Variants in NUMB observed in about 807,000 individuals in gnomAD.
The protein encoded by NUMB is protein numb homolog.
Under a neutral mutation model 59.7 loss-of-function variants are expected in NUMB, and 29 were observed. The ratio of observed to expected loss-of-function variants is 0.49; its 90% CI spans 0.36 to 0.66. The LOEUF (loss-of-function observed/expected upper bound fraction) is 0.66. NUMB is among the 30% of genes least tolerant of loss of function. NUMB has a pLI of 0.00. For synonymous variants in NUMB, 288 were observed against 288.2 expected, an observed-to-expected ratio of 1.00 and a Z score of 0.01; for missense variants, 723 against 822.0, an observed-to-expected ratio of 0.88 and a Z score of 1.47.
At chr14:73,318,400 T>C (rs987717709) in intron 5 of NUMB, among the ~76,000 whole-genome samples, 18 of 152,172 alleles carry the variant, frequency 1.2e-4, no homozygotes, top group African/African-American at 4.3e-4. Context: ...AACAAGAACA[T>C]ATATTAAAAC....
At chr14:73,408,258 A>G (rs1324263053) in intron 2 of NUMB, among the ~76,000 whole-genome samples, 1 of 151,818 alleles carries the variant, frequency 6.6e-6, no homozygotes, top group African/African-American at 2.4e-5. Context: ...AAACGTTAAG[A>G]TATTTACCAG....
At chr14:73,309,620 C>T (rs1463614844) in intron 6 of NUMB, among the ~76,000 whole-genome samples, 2 of 151,548 alleles carry the variant, frequency 1.3e-5, no homozygotes, top group Non-Finnish European at 2.9e-5. Flanking sequence ...GGGTTTAAAA[C>T]CTAGATGACA....
intron 2 of NUMB, among the ~76,000 whole-genome samples, chr14:73,370,614 C>A (rs1046721715): frequency 2.0e-5 from 3 of 152,056 alleles, no homozygotes; most frequent in African/African-American, 7.2e-5. Context: ...ATTGCTTGAA[C>A]CCAGGAGGCG....
At chr14:73,318,414 T>C (rs1231147029) in intron 5 of NUMB, among the ~76,000 whole-genome samples, 1 of 152,172 alleles carries the variant, frequency 6.6e-6, no homozygotes, top group Non-Finnish European at 1.5e-5. Flanking sequence ...TTAAAACAAA[T>C]ATATCAAATA....
At chr14:73,396,511 C>A (rs1392419254) in intron 2 of NUMB, among the ~76,000 whole-genome samples, 2 of 131,698 alleles carry the variant, frequency 1.5e-5, no homozygotes, top group African/African-American at 6.3e-5. Context: ...CAAGGCCTGG[C>A]TAGTTTTTTT....
intron 1 of NUMB, among the ~76,000 whole-genome samples, chr14:73,414,378 T>C (rs1484986770): frequency 6.6e-6 from 1 of 152,188 alleles, no homozygotes. Flanking sequence ...CATGGCCATC[T>C]ACTTTCAGAT....
At chr14:73,325,285 T>C (rs771965253) in intron 4 of NUMB, among the ~76,000 whole-genome samples, 3 of 152,048 alleles carry the variant, frequency 2.0e-5, no homozygotes, top group Admixed American at 6.6e-5. Flanking sequence ...CTGGACAACA[T>C]AGTGAGACCC....
Position 73,287,136 on chromosome 14 carries a change from A to G in NUMB, c.629T>C (p.Met210Thr). The G allele has an allele frequency of 6.2e-7, 1 of 1,614,012 alleles. No individual in the cohort carries two copies. Among genetic ancestry groups the G allele is most frequent in the African/African-American group, 1.3e-5 (1 of 75,008 alleles). ...ATEQAEREEI[M>T]KQMQDAKKAE... Reference sequence around the variant, plus strand: ...TTTCTTGGCATCTTGCATTTGTTTCATGATCTCCTCTCTTTCTGCTTGTTC... The same window carrying G: ...TTTCTTGGCATCTTGCATTTGTTTCGTGATCTCCTCTCTTTCTGCTTGTTC... The change falls in exon 9 of 13, where the codon ATG becomes ACG. Residue 210 changes from methionine to threonine, a missense_variant. By Grantham distance (81) the Met-to-Thr change is moderately conservative. Coordinates refer to ENST00000555238, the MANE Select transcript of NUMB (RefSeq NM_001005743.2).
Position 73,284,307 on chromosome 14 carries a change from A to AGAGGAT in NUMB, c.717_722dup (p.Ser240_Ser241dup). The AGAGGAT allele has an allele frequency of 6.2e-7, 1 of 1,614,160 alleles. No individual in the cohort carries two copies. ...TGGCATCAGAAGTAGGAGAGGTGGG[A>AGAGGAT]GAGGATGGGGATGGGGCAGTGTTGC... On this transcript the variant is annotated inframe_insertion, in exon 10 of 13. Transcript: ENST00000555238.
intron 10 of NUMB, 74 bp downstream of exon 10, chr14:73,284,007 T>C (rs935458523): frequency 2.2e-6 from 3 of 1,336,462 alleles, no homozygotes; most frequent in Non-Finnish European, 3.2e-6. Context: ...TTAATGGGAT[T>C]AGTGTCTTCA....
At chr14:73,445,604 C>G (rs538935413) in intron 1 of NUMB, among the ~76,000 whole-genome samples, 2 of 152,042 alleles carry the variant, frequency 1.3e-5, no homozygotes, top group Non-Finnish European at 2.9e-5. Flanking sequence ...CCACCTGCTT[C>G]GGTAAAAATG....
At chr14:73,348,435 T>A (rs1189284515) in intron 4 of NUMB, among the ~76,000 whole-genome samples, 1 of 152,208 alleles carries the variant, frequency 6.6e-6, no homozygotes, top group African/African-American at 2.4e-5. Context: ...CCAATACTGG[T>A]CGGTGGCCTT....
At position 73,284,170 on chromosome 14, in the gene NUMB, A is replaced by G; in HGVS notation, c.860T>C (p.Met287Thr). The change falls in exon 10 of 13, where the codon ATG (methionine) becomes ACG (threonine). Residue 287 changes from methionine (M) to threonine (T), a missense_variant. By Grantham distance (81) the Met-to-Thr change is moderately conservative (BLOSUM62 -1). Transcript: ENST00000555238. ...FRGFPALSQKMSPFKRQLSLR... is the reference protein window; with the variant it reads ...FRGFPALSQKTSPFKRQLSLR... ...GGATAGTTGGCGTTTAAAGGGTGAC[A>G]TCTTCTGGCTAAGAGCAGGAAAACC... 1 of 1,614,220 alleles carries G rather than the reference A, an allele frequency of 6.2e-7. No individual in the cohort carries two copies. Among genetic ancestry groups the G allele is most frequent in the Non-Finnish European group, 8.5e-7 (1 of 1,180,050 alleles).
chr14:73,330,961 G>T (rs12435797), intron 4 of NUMB, among the ~76,000 whole-genome samples: 46,756 of 152,002 alleles, frequency 0.31, 8,264 homozygotes, highest in East Asian at 0.7. Context: ...TACAACTCTC[G>T]GAGGCTGAAG....
rs138487438 is a variant in NUMB, at chr14:73,388,556, G to C, written c.-101+21381C>G. On this transcript the variant is annotated intron_variant, in intron 2 of 12. Transcript: ENST00000555238. ...TGGCTGATCTAATTTAAAAATCAAC[G>C]TTGTTTCTTTATTGTGGATCTGATA... Among the ~76,000 whole-genome samples, 370 of 151,376 alleles carry C rather than the reference G, an allele frequency of 2.4e-3. 3 individuals are homozygous for C. The highest frequency in any genetic ancestry group is 8.5e-3 in the African/African-American group (351 of 41,238).
intron 4 of NUMB, among the ~76,000 whole-genome samples, chr14:73,327,268 A>AT (rs1891711915): frequency 1.3e-5 from 2 of 151,712 alleles, no homozygotes; most frequent in Admixed American, 1.3e-4. Context: ...AATTATTATT[A>AT]TTTTTTTGAG....
intron 4 of NUMB, among the ~76,000 whole-genome samples, chr14:73,334,302 T>C (rs953311920): frequency 1.6e-4 from 24 of 152,334 alleles, no homozygotes; most frequent in African/African-American, 5.5e-4. Context: ...TACTTTTTCA[T>C]GTATATTCAT....
Position 73,414,351 on chromosome 14 carries a change from A to T in NUMB, c.-232-4283T>A, listed in dbSNP as rs959663713. Among the ~76,000 whole-genome samples the T allele has an allele frequency of 2.0e-5, 3 of 152,184 alleles. No individual in the cohort carries two copies. The South Asian group carries it at 6.2e-4, about 31-fold the overall frequency. The stretch of plus-strand genomic sequence containing the variant: ...TTAAAGGAAAAACTAGTTAAAAAGC[A>T]AGAGAAACTCATTTTGCATGGCCAT... On this transcript the variant is annotated intron_variant, in intron 1 of 12. Coordinates refer to ENST00000555238, the MANE Select transcript of NUMB (RefSeq NM_001005743.2).
Position 73,277,105 on chromosome 14 carries a change from G to C in NUMB, c.1429C>G (p.Gln477Glu). The change falls in exon 13 of 13, where the codon CAG becomes GAG. Residue 477 changes from glutamine to glutamate, a missense_variant. By Grantham distance (29) the Gln-to-Glu change is conservative (BLOSUM62 2). Transcript: ENST00000555238. Reference protein sequence around the residue: ...LQPPPPTAISQPASPFQGNAF... With the variant: ...LQPPPPTAISEPASPFQGNAF... Reference sequence around the variant, plus strand: ...TTCCCTTGGAAAGGTGATGCTGGCTGGGAGATGGCAGTGGGTGGAGGAGGC... The same window carrying C: ...TTCCCTTGGAAAGGTGATGCTGGCTCGGAGATGGCAGTGGGTGGAGGAGGC... 1 of 1,614,122 alleles carries C rather than the reference G, an allele frequency of 6.2e-7. No individual in the cohort carries two copies. The highest frequency in any genetic ancestry group is 8.5e-7 in the Non-Finnish European group (1 of 1,180,028).
Sources: gnomAD v4.1 joint callset for allele counts (sites outside exome capture counted in the v4.1 genomes callset) on GRCh38, gnomAD v4.1.1 for gene constraint, MANE v1.5 for transcripts, NCBI Gene and HGNC (gene_info 2026-07-23, HGNC 2026-07-21) for gene names.